Variants in MAPKAP1 observed in about 807,000 individuals in gnomAD.
The protein encoded by MAPKAP1 is MAPK associated protein 1.
A neutral mutation model predicts 65.7 loss-of-function variants in MAPKAP1; 20 were observed. The observed-to-expected ratio is 0.30, with a 90% CI of 0.21 to 0.44. MAPKAP1 has a LOEUF of 0.44. Among genes scored for constraint, MAPKAP1 ranks in the 20% least tolerant of loss-of-function variants. The pLI is 1.00. For missense variants in MAPKAP1, 423 were observed against 648.0 expected (o/e 0.65, Z 3.77); for synonymous variants, 222 against 244.3 (o/e 0.91, Z 0.85).
At chr9:125,599,109 G>T (rs537485737) in intron 4 of MAPKAP1, among the ~76,000 whole-genome samples, 1 of 150,650 alleles carries the variant, frequency 6.6e-6, no homozygotes, top group East Asian at 1.9e-4. Flanking sequence ...AAGAAATACT[G>T]GTTATTATGA....
intron 4 of MAPKAP1, among the ~76,000 whole-genome samples, chr9:125,625,796 AAAAC>A (rs960568468): frequency 3.1e-4 from 47 of 152,310 alleles, no homozygotes; most frequent in Non-Finnish European, 4.6e-4. Context: ...CTCCATCTCA[AAAAC>A]AAACAAACAA....
At chr9:125,567,700 T>C (rs1385197345) in intron 5 of MAPKAP1, 5 of 152,196 alleles carry the variant, frequency 3.3e-5, no homozygotes, top group African/African-American at 1.2e-4. Flanking sequence ...AACCCTCTCT[T>C]GGAGTCTGGA....
At chr9:125,517,519 T>C (rs530626089) in intron 7 of MAPKAP1, among the ~76,000 whole-genome samples, 2 of 152,324 alleles carry the variant, frequency 1.3e-5, no homozygotes, top group African/African-American at 4.8e-5. Context: ...TTTATTGTGA[T>C]AGAAAACATT....
intron 11 of MAPKAP1, among the ~76,000 whole-genome samples, chr9:125,440,182 T>C (rs996733103): frequency 1.3e-5 from 2 of 152,160 alleles, no homozygotes; most frequent in African/African-American, 4.8e-5. Flanking sequence ...GTGAAATCAG[T>C]GGTGGCAACT....
rs1830839252 is a variant in MAPKAP1, at chr9:125,559,782, A to G, written c.699T>C (p.His233=). Residue 233 remains histidine (H), a synonymous_variant, in exon 6 of 12, where the codon CAT becomes CAC. Coordinates refer to ENST00000265960, the MANE Select transcript of MAPKAP1 (RefSeq NM_001006617.3). ...LNDNVSAYCL[H]IAEDDGEVDT... Reference sequence around the variant, plus strand: ...CCACCTCCCCATCATCCTCAGCAATATGCAGGCAGTAGGCACTGACATTGT... The same window carrying G: ...CCACCTCCCCATCATCCTCAGCAATGTGCAGGCAGTAGGCACTGACATTGT... The G allele has an allele frequency of 1.2e-6, 2 of 1,613,418 alleles. No individual in the cohort carries two copies. Among genetic ancestry groups the G allele is most frequent in the Non-Finnish European group, 1.7e-6 (2 of 1,179,656 alleles).
intron 1 of MAPKAP1, among the ~76,000 whole-genome samples, chr9:125,702,099 T>A (rs1261318602): frequency 6.6e-6 from 1 of 152,182 alleles, no homozygotes; most frequent in African/African-American, 2.4e-5. Flanking sequence ...ATTTTTAAAC[T>A]AAATACATTA....
intron 3 of MAPKAP1, among the ~76,000 whole-genome samples, chr9:125,660,314 T>C (rs999175438): frequency 2.0e-5 from 3 of 152,158 alleles, no homozygotes; most frequent in Non-Finnish European, 4.4e-5. Flanking sequence ...TTTTTTGGGG[T>C]GACAGAATTG....
chr9:125,564,518 C>CA (rs1340444941), intron 5 of MAPKAP1, among the ~76,000 whole-genome samples: 1 of 152,086 alleles, frequency 6.6e-6, no homozygotes, highest in African/African-American at 2.4e-5. Context: ...ATGAAGAATG[C>CA]AGGGAAATCT....
intron 11 of MAPKAP1, among the ~76,000 whole-genome samples, chr9:125,440,204 G>A (rs1445052773): frequency 6.6e-6 from 1 of 152,224 alleles, no homozygotes; most frequent in Non-Finnish European, 1.5e-5. Flanking sequence ...GCACTGCTCG[G>A]AGTGCCTTTC....
At chr9:125,531,053 G>A (rs147872256) in intron 7 of MAPKAP1, among the ~76,000 whole-genome samples, 1 of 152,352 alleles carries the variant, frequency 6.6e-6, no homozygotes, top group African/African-American at 2.4e-5. Context: ...TTCACAGCTT[G>A]TAAAAGGGAC....
chr9:125,551,216 T>C (rs1022679847), intron 6 of MAPKAP1, among the ~76,000 whole-genome samples: 1 of 152,068 alleles, frequency 6.6e-6, no homozygotes, highest in African/African-American at 2.4e-5. Flanking sequence ...CACAAGGCAA[T>C]AGCATATAAC....
chr9:125,501,219 C>A (rs746823813), intron 8 of MAPKAP1, among the ~76,000 whole-genome samples: 1 of 152,208 alleles, frequency 6.6e-6, no homozygotes, highest in Non-Finnish European at 1.5e-5. Context: ...AGAATCTTGT[C>A]AACCAGAGAC....
intron 9 of MAPKAP1, 59 bp downstream of exon 9, chr9:125,484,384 C>T: frequency 6.6e-7 from 1 of 1,510,552 alleles, no homozygotes; most frequent in Non-Finnish European, 8.9e-7. Context: ...GTTTCTTTCC[C>T]CATTTCTACA....
intron 1 of MAPKAP1, among the ~76,000 whole-genome samples, chr9:125,681,773 T>C (rs1034650480): frequency 6.6e-6 from 1 of 152,206 alleles, no homozygotes; most frequent in African/African-American, 2.4e-5. Context: ...ACTGCACCTA[T>C]GTATGTTTGT....
intron 11 of MAPKAP1, among the ~76,000 whole-genome samples, chr9:125,440,452 G>T (rs973541314): frequency 2.0e-5 from 3 of 152,210 alleles, no homozygotes; most frequent in Non-Finnish European, 4.4e-5. Context: ...GTATCTAAAA[G>T]TTTTGACTAG....
chr9:125,614,627 AAATAT>A (rs2131637201), intron 4 of MAPKAP1, among the ~76,000 whole-genome samples: 1 of 152,298 alleles, frequency 6.6e-6, no homozygotes, highest in African/African-American at 2.4e-5. Context: ...CTCCGTCTCA[AAATAT>A]AATAATAATA....
At chr9:125,658,957 A>G (rs1315502405) in intron 3 of MAPKAP1, among the ~76,000 whole-genome samples, 2 of 152,204 alleles carry the variant, frequency 1.3e-5, no homozygotes, top group East Asian at 3.8e-4. Context: ...TTCAAAAAAA[A>G]ATGTAACTGC....
chr9:125,512,604 T>TG, intron 7 of MAPKAP1, among the ~76,000 whole-genome samples: 1 of 152,120 alleles, frequency 6.6e-6, no homozygotes, highest in East Asian at 1.9e-4. Flanking sequence ...TCTTTTGAGA[T>TG]GGAGTCTTGC....
intron 4 of MAPKAP1, among the ~76,000 whole-genome samples, chr9:125,626,689 A>T (rs1400572227): frequency 6.6e-6 from 1 of 152,238 alleles, no homozygotes; most frequent in Non-Finnish European, 1.5e-5. Flanking sequence ...AGAAGGAATT[A>T]AGGAAGCCTG....
Sources: allele counts gnomAD v4.1 joint callset (sites outside exome capture counted in the v4.1 genomes callset), GRCh38; gene constraint gnomAD v4.1.1; transcripts MANE v1.5; gene names NCBI Gene and HGNC (gene_info 2026-07-23, HGNC 2026-07-21).